Variants in BLK observed in about 807,000 individuals in gnomAD.
BLK encodes the protein BLK proto-oncogene, Src family tyrosine kinase.
In BLK, 64 loss-of-function variants were observed where a neutral mutation model predicts 61.8. The ratio of observed to expected loss-of-function variants is 1.03; its 90% confidence interval spans 0.85 to 1.27. BLK has a LOEUF of 1.27. Among genes scored for constraint, BLK ranks in the 50% most tolerant of loss-of-function variants. The pLI is 0.00. For missense variants in BLK, 853 were observed against 660.5 expected, an observed-to-expected ratio of 1.29 and a Z score of -3.19; for synonymous variants, 351 against 272.0, an observed-to-expected ratio of 1.29 and a Z score of -2.86.
chr8:11,533,272 C>G (rs57240873), intron 1 of BLK, among the ~76,000 whole-genome samples: 20,776 of 152,090 alleles, frequency 0.14, 1,621 homozygotes, highest in East Asian at 0.26. Flanking sequence ...ATTTTCCAAT[C>G]TCATGTTTGA....
intron 1 of BLK, among the ~76,000 whole-genome samples, chr8:11,528,659 G>A (rs896372785): frequency 2.6e-5 from 4 of 152,226 alleles, no homozygotes; most frequent in African/African-American, 9.6e-5. Flanking sequence ...TCTTGCAGTT[G>A]CCTGTATGTA....
chr8:11,542,275 A>G (rs1472954419), intron 1 of BLK, among the ~76,000 whole-genome samples: 1 of 152,236 alleles, frequency 6.6e-6, no homozygotes, highest in Non-Finnish European at 1.5e-5. Context: ...GAGATATTGA[A>G]AAGTGAAAAA....
In BLK at chr8:11,549,196, C is replaced by T. The variant is rs377518137; in HGVS notation, c.368+74C>T. 18 of 1,384,026 alleles carry T rather than the reference C, an allele frequency of 1.3e-5. No homozygotes were observed. The East Asian group carries it at 3.5e-4, about 27-fold the overall frequency. 85.7% of individuals were successfully genotyped at this position (1,384,026 alleles called of 1,614,324 possible). A position where few individuals can be genotyped will look rare whatever the true frequency, so the allele number is the denominator to read the frequency against. On this transcript the variant is annotated intron_variant, in intron 5 of 12. Coordinates refer to ENST00000259089, the MANE Select transcript of BLK (RefSeq NM_001715.3). ...CTGCTCCCTGGGCTGTTAGGCAGGGCAGGGCCAGAGTGGGACTGACCAGGG... is the reference window on the plus strand; with the variant it reads ...CTGCTCCCTGGGCTGTTAGGCAGGGTAGGGCCAGAGTGGGACTGACCAGGG...
intron 10 of BLK, 145 bp from the exon 11 acceptor site, chr8:11,561,157 G>A (rs1332468806): frequency 1.7e-6 from 2 of 1,200,866 alleles, no homozygotes; most frequent in Middle Eastern, 1.9e-4. Flanking sequence ...ATTCGGCTGA[G>A]GAGCAACACA....
intron 1 of BLK, among the ~76,000 whole-genome samples, chr8:11,525,348 C>T (rs1384317291): frequency 6.6e-6 from 1 of 152,154 alleles, no homozygotes; most frequent in Admixed American, 6.5e-5. Flanking sequence ...AATTTCAGTC[C>T]CCAGAAGTCT....
At chr8:11,547,004 C>T (rs887301048) in intron 3 of BLK, among the ~76,000 whole-genome samples, 6 of 152,212 alleles carry the variant, frequency 3.9e-5, no homozygotes, top group African/African-American at 1.4e-4. Context: ...AGTGACTTCC[C>T]GCAGCCTCCT....
chr8:11,561,240 G>A, intron 10 of BLK, 62 bp from the exon 11 acceptor site: 1 of 1,579,224 alleles, frequency 6.3e-7, no homozygotes, highest in African/African-American at 1.3e-5. Flanking sequence ...GGGACACAGT[G>A]TGGGCTCGGT....
chr8:11,560,918 G>A, intron 10 of BLK: 2 of 473,334 alleles, frequency 4.2e-6, no homozygotes, highest in Non-Finnish European at 8.4e-6. Context: ...GCCAGTGAGA[G>A]CTGCCTGTCC....
chr8:11,496,915 G>A (rs1298603746), intron 1 of BLK, among the ~76,000 whole-genome samples: 1 of 152,168 alleles, frequency 6.6e-6, no homozygotes, highest in Admixed American at 6.5e-5. Flanking sequence ...TGAGGATTCT[G>A]ACCTTGTGAG....
At chr8:11,530,170 G>T (rs1287020288) in intron 1 of BLK, among the ~76,000 whole-genome samples, 5 of 152,126 alleles carry the variant, frequency 3.3e-5, no homozygotes, top group Non-Finnish European at 7.4e-5. Context: ...TGGCTTTGCT[G>T]GAATTTTTTT....
intron 1 of BLK, among the ~76,000 whole-genome samples, chr8:11,505,986 C>A (rs1246168612): frequency 6.6e-6 from 1 of 152,238 alleles, no homozygotes; most frequent in African/African-American, 2.4e-5. Flanking sequence ...TTCCTCTCGC[C>A]CTGCTCCTGT....
intron 1 of BLK, among the ~76,000 whole-genome samples, chr8:11,520,537 G>C (rs1228668959): frequency 8.6e-6 from 1 of 115,858 alleles, no homozygotes; most frequent in Non-Finnish European, 1.9e-5. Context: ...AAAAGGAAAA[G>C]AAAAAAGAAA....
chr8:11,504,235 T>A (rs1483227394), intron 1 of BLK, among the ~76,000 whole-genome samples: 1 of 151,734 alleles, frequency 6.6e-6, no homozygotes, highest in African/African-American at 2.4e-5. Context: ...GGTAGGAGAA[T>A]TGCTTGAACC....
At chr8:11,500,278 C>G (rs914726136) in intron 1 of BLK, among the ~76,000 whole-genome samples, 1 of 152,142 alleles carries the variant, frequency 6.6e-6, no homozygotes, top group African/African-American at 2.4e-5. Flanking sequence ...ACTACATCCT[C>G]CGCCTCCCGG....
intron 1 of BLK, among the ~76,000 whole-genome samples, chr8:11,519,531 TG>T: frequency 6.6e-6 from 1 of 152,360 alleles, no homozygotes; most frequent in South Asian, 2.1e-4. Context: ...AAAAGGTTTA[TG>T]GTACAGTATT....
intron 2 of BLK, 177 bp from the exon 3 acceptor site, chr8:11,545,875 G>A (rs1334376242): frequency 4.0e-6 from 3 of 743,062 alleles, no homozygotes; most frequent in Non-Finnish European, 7.3e-6. Context: ...GTCTGTCTGA[G>A]GGTAGTGCTG....
At position 11,556,604 on chromosome 8, in the gene BLK, C is replaced by T. The variant is rs1488464301; in HGVS notation, c.773-54C>T. On this transcript the variant is annotated intron_variant, in intron 8 of 12. Coordinates refer to ENST00000259089, the MANE Select transcript of BLK (RefSeq NM_001715.3). Reference sequence around the variant, plus strand: ...TACCCCGATTTTGGTTAAGGGATCACCTCCGAGCAAGCTCTCTGTCTTCTG... The same window carrying T: ...TACCCCGATTTTGGTTAAGGGATCATCTCCGAGCAAGCTCTCTGTCTTCTG... 8.4e-5 allele frequency: 136 copies of T among 1,611,944 alleles called. No individual in the cohort carries two copies. The Middle Eastern group carries it at 9.9e-4, about 12-fold the overall frequency.
chr8:11,543,555 G>A (rs551729286), intron 2 of BLK, among the ~76,000 whole-genome samples: 6 of 152,308 alleles, frequency 3.9e-5, no homozygotes, highest in East Asian at 3.9e-4. Flanking sequence ...CTCATTTCTC[G>A]AGGGCAGCCT....
intron 1 of BLK, among the ~76,000 whole-genome samples, chr8:11,532,392 G>C (rs1484286837): frequency 7.1e-6 from 1 of 141,048 alleles, no homozygotes; most frequent in Non-Finnish European, 1.5e-5. Context: ...TGTATTTTTA[G>C]CAGAGACAGG....
Sources: allele counts gnomAD v4.1 joint callset (sites outside exome capture counted in the v4.1 genomes callset), GRCh38; gene constraint gnomAD v4.1.1; transcripts MANE v1.5; gene names NCBI Gene and HGNC (gene_info 2026-07-23, HGNC 2026-07-21).